Variants in MYH6 observed in about 807,000 individuals in gnomAD.
MYH6 encodes the protein myosin heavy chain 6.
A neutral mutation model predicts 223.2 loss-of-function variants in MYH6; 126 were observed. That is an observed-to-expected ratio of 0.56 (90% CI 0.49 to 0.65). The LOEUF is 0.65. MYH6 is among the 30% of genes least tolerant of loss of function. The pLI is 0.00. For missense variants in MYH6, 2,040 were observed against 2,536.4 expected (o/e 0.80, Z 4.20); for synonymous variants, 978 against 1,010.2 (o/e 0.97, Z 0.61).
chr14:23,407,054 C>A lies in MYH6; in HGVS notation c.170G>T (p.Gly57Val). 1 of 1,614,240 alleles carries A rather than the reference C, an allele frequency of 6.2e-7. No homozygotes were observed. The highest frequency in any genetic ancestry group is 8.5e-7 in the Non-Finnish European group (1 of 1,180,048). ...ATTCTCGGTTTCAGCAATGACCTTGCCTCCCTCCCGGGACAAAATCTTGGC... is the reference window on the plus strand; with the variant it reads ...ATTCTCGGTTTCAGCAATGACCTTGACTCCCTCCCGGGACAAAATCTTGGC... ...VKAKILSREG[G>V]KVIAETENGK... Residue 57 changes from glycine (G) to valine (V), a missense_variant, in exon 3 of 39, where the codon GGC becomes GTC. Physicochemically the swap from Gly to Val is moderately radical, Grantham distance 109. Coordinates refer to ENST00000405093, the MANE Select transcript of MYH6 (RefSeq NM_002471.4). The surrounding 1 kb of genome is among the most constrained non-coding windows in gnomAD (Gnocchi z 5.6).
chr14:23,407,471 A>G lies in MYH6; in HGVS notation c.-14+105T>C. 1 of 1,269,090 alleles carries G rather than the reference A, an allele frequency of 7.9e-7. No individual in the cohort carries two copies. Among genetic ancestry groups the G allele is most frequent in the Non-Finnish European group, 1.0e-6 (1 of 959,304 alleles). 78.6% of individuals were successfully genotyped at this position (1,269,090 alleles called of 1,614,324 possible). On this transcript the variant is annotated intron_variant, in intron 2 of 38. Transcript: ENST00000405093. The surrounding 1 kb of genome is among the most constrained non-coding windows in gnomAD (Gnocchi z 5.6). ...GGGTGGCATTGGCTGGAGTATGCTA[A>G]GGGTTGGCGCTGAGTGCTTGGGACA...
In MYH6 at chr14:23,404,384, G is replaced by T. The variant is rs1448960877; in HGVS notation, c.647C>A (p.Thr216Asn). 2 of 1,614,080 alleles carry T rather than the reference G, an allele frequency of 1.2e-6. No individual in the cohort carries two copies. The highest frequency in any genetic ancestry group is 2.2e-5 in the East Asian group (1 of 44,896). Reference protein sequence around the residue: ...KKDNANANKGTLEDQIIQANP... With the variant: ...KKDNANANKGNLEDQIIQANP... ...GGCCTGGATGATCTGGTCCTCCAGG[G>T]TGCCCTATGAAAGGAGCAGAACTGC... The change falls in exon 8 of 39, where the codon ACC becomes AAC. Residue 216 changes from threonine to asparagine, a missense_variant. Physicochemically the swap from Thr to Asn is moderately conservative, Grantham distance 65. Transcript: ENST00000405093.
chr14:23,383,541 C>T (rs1314748702), intron 36 of MYH6, among the ~76,000 whole-genome samples: 1 of 152,126 alleles, frequency 6.6e-6, no homozygotes, highest in Non-Finnish European at 1.5e-5. Context: ...AGGCTGAAGT[C>T]ATAAAGCTAG....
At chr14:23,404,093 A>G (rs58998732) in intron 8 of MYH6, among the ~76,000 whole-genome samples, 6,019 of 152,282 alleles carry the variant, frequency 0.04, 245 homozygotes, top group African/African-American at 0.094. Flanking sequence ...TGAAGGAACT[A>G]GGGCTCAGAG....
Position 23,389,608 on chromosome 14 carries a change from G to C in MYH6, c.3844C>G (p.Leu1282Val), listed in dbSNP as rs1425090608. 6.2e-7 allele frequency: 1 copy of C among 1,614,250 alleles called. No homozygotes were observed. Residue 1282 changes from leucine to valine, a missense_variant, in exon 27 of 39, where the codon CTG becomes GTG. Transcript: ENST00000405093. ...GGGCACCCACCATTCTCGGTCTGCAGCTTGGCTCGCTGGGTGGTGAAATCA... is the reference window on the plus strand; with the variant it reads ...GGGCACCCACCATTCTCGGTCTGCACCTTGGCTCGCTGGGTGGTGAAATCA... ...LNDFTTQRAK[L>V]QTENGELARQ...
intron 32 of MYH6, 42 bp from the exon 33 acceptor site, chr14:23,386,665 G>GCAC (rs765208317): frequency 3.2e-5 from 51 of 1,577,140 alleles, no homozygotes; most frequent in Non-Finnish European, 4.2e-5. Context: ...AGGGCACAGG[G>GCAC]CAGGGTTGAG....
At chr14:23,402,171 C>T (rs1241734269) in intron 12 of MYH6, among the ~76,000 whole-genome samples, 1 of 152,204 alleles carries the variant, frequency 6.6e-6, no homozygotes, top group East Asian at 1.9e-4. Context: ...GGCAAAGGCC[C>T]TGCATTAGTG....
chr14:23,388,308 G>A lies in MYH6; in HGVS notation c.4206C>T (p.Ala1402=), dbSNP rs111638554. 1,999 of 1,613,252 alleles carry A rather than the reference G, an allele frequency of 1.2e-3. 24 individuals carry two copies. In the African/African-American group the frequency reaches 0.024, roughly 19 times the overall value. ...CATTAACAGCCTCCACGGCCTCCTC[G>A]GCATCCTGCAGCCGCTGGGCCAGCT... The part of the protein sequence containing the change: ...KKKLAQRLQD[A]EEAVEAVNAK... The change falls in exon 30 of 39, where the codon GCC becomes GCT. Residue 1402 remains alanine (A), a synonymous_variant. Coordinates refer to ENST00000405093, the MANE Select transcript of MYH6 (RefSeq NM_002471.4).
chr14:23,393,271 G>A, intron 23 of MYH6, 71 bp downstream of exon 23: 1 of 1,594,868 alleles, frequency 6.3e-7, no homozygotes. Flanking sequence ...TAGGGATCAG[G>A]ACTTTCTGGG....
rs886039171 is a variant in MYH6, at chr14:23,394,156, T to C, written c.2597A>G (p.Glu866Gly). The C allele has an allele frequency of 1.2e-6, 2 of 1,614,222 alleles. No individual in the cohort carries two copies. Among genetic ancestry groups the C allele is most frequent in the Non-Finnish European group, 1.7e-6 (2 of 1,180,038 alleles). The stretch of plus-strand genomic sequence containing the variant: ...CTCCTTGCGGCGAGCCTCGGACTTC[T>C]CCAGCGTCTCTTTGATGCGCCCGAA... ...EEFGRIKETL[E>G]KSEARRKELE... The change falls in exon 21 of 39, where the codon GAG (glutamate) becomes GGG (glycine). Residue 866 changes from glutamate (E) to glycine (G), a missense_variant. Glu to Gly is a moderately conservative substitution (Grantham distance 98, BLOSUM62 -2). Coordinates refer to ENST00000405093, the MANE Select transcript of MYH6 (RefSeq NM_002471.4).
At chr14:23,404,968 C>G in intron 6 of MYH6, 132 bp downstream of exon 6, 4 of 1,510,400 alleles carry the variant, frequency 2.6e-6, no homozygotes, top group Non-Finnish European at 3.7e-6. Flanking sequence ...CTCTGGCACC[C>G]CTCTAATGAG....
Position 23,407,378 on chromosome 14 carries a change from C to A in MYH6, c.-13-142G>T. Reference sequence around the variant, plus strand: ...GCACCTGCTGTTGCACCCTCCCCTACTCAGGGCTCTGCTTCTCCTGCCCTC... The same window carrying A: ...GCACCTGCTGTTGCACCCTCCCCTAATCAGGGCTCTGCTTCTCCTGCCCTC... On this transcript the variant is annotated intron_variant, in intron 2 of 38. Coordinates refer to ENST00000405093, the MANE Select transcript of MYH6 (RefSeq NM_002471.4). This position sits in a 1 kb window ranked among gnomAD's most constrained non-coding sequence, Gnocchi z 5.6. The A allele has an allele frequency of 8.8e-7, 1 of 1,130,042 alleles. No individual in the cohort carries two copies. The allele number at this position is 1,130,042 out of a possible 1,614,324, so 70.0% of individuals were successfully genotyped here. A position where few individuals can be genotyped will look rare whatever the true frequency, so the allele number is the denominator to read the frequency against.
intron 16 of MYH6, 130 bp downstream of exon 16, chr14:23,397,413 A>G (rs2138605313): frequency 1.5e-6 from 2 of 1,301,820 alleles, no homozygotes; most frequent in Non-Finnish European, 2.2e-6. Context: ...GAATCTACAC[A>G]CTAAAAAACG....
intron 10 of MYH6, among the ~76,000 whole-genome samples, 189 bp downstream of exon 10, chr14:23,403,159 G>C (rs1482854739): frequency 1.3e-5 from 2 of 152,042 alleles, no homozygotes; most frequent in East Asian, 3.9e-4. Context: ...ACTGCACAGG[G>C]AGGCGAGAGG....
chr14:23,408,267 T>G lies in MYH6; in HGVS notation c.-61A>C. On this transcript the variant is annotated 5_prime_UTR_variant, in exon 1 of 39. Transcript: ENST00000405093. ...CCTCCTCTTACCTGGGCCGCAGGAG[T>G]CTCTCTATCTGTCCTCAAAGCTCCA... 5.1e-6 allele frequency: 5 copies of G among 984,628 alleles called. No homozygotes were observed. Among genetic ancestry groups the G allele is most frequent in the Non-Finnish European group, 6.0e-6 (5 of 829,710 alleles). 61.0% of individuals were successfully genotyped at this position (984,628 alleles called of 1,614,324 possible). A position where few individuals can be genotyped will look rare whatever the true frequency, so the allele number is the denominator to read the frequency against.
intron 15 of MYH6, among the ~76,000 whole-genome samples, chr14:23,397,902 A>C (rs1891445671): frequency 7.4e-6 from 1 of 134,266 alleles, no homozygotes; most frequent in African/African-American, 2.9e-5. Flanking sequence ...ATCTTTCCAC[A>C]TTCTAGTTCT....
rs758643910 is a variant in MYH6 at position 23,388,168 on chromosome 14, C to T, written c.4346G>A (p.Arg1449Lys). The part of the protein sequence containing the change: ...AAAAALDKKQ[R>K]NFDKILAEWK... Reference sequence around the variant, plus strand: ...CCCATGGTCCACCTTGTCAAAGTTTCTCTGCTTCTTGTCCAGGGCTGCAGC... The same window carrying T: ...CCCATGGTCCACCTTGTCAAAGTTTTTCTGCTTCTTGTCCAGGGCTGCAGC... The change falls in exon 30 of 39, where the codon AGA (arginine) becomes AAA (lysine). Residue 1449 changes from arginine (R) to lysine (K), a missense_variant. By Grantham distance (26) the Arg-to-Lys change is conservative. Coordinates refer to ENST00000405093, the MANE Select transcript of MYH6 (RefSeq NM_002471.4). The T allele has an allele frequency of 2.5e-6, 4 of 1,612,334 alleles. No homozygotes were observed.
intron 36 of MYH6, among the ~76,000 whole-genome samples, chr14:23,384,221 G>A (rs1435805153): frequency 1.3e-5 from 2 of 152,044 alleles, no homozygotes; most frequent in Non-Finnish European, 2.9e-5. Context: ...AAGAAACCTG[G>A]GGAAAGACTA....
chr14:23,384,880 G>A, intron 35 of MYH6, 36 bp downstream of exon 35: 1 of 1,613,498 alleles, frequency 6.2e-7, no homozygotes, highest in Non-Finnish European at 8.5e-7. Context: ...CCTTGTTTCT[G>A]TCTTTAGGGG....
Sources: gnomAD v4.1 joint callset for allele counts (sites outside exome capture counted in the v4.1 genomes callset) on GRCh38, gnomAD v4.1.1 for gene constraint, Gnocchi (gnomAD v3.1) non-coding constraint, MANE v1.5 for transcripts, NCBI Gene and HGNC (gene_info 2026-07-23, HGNC 2026-07-21) for gene names.